CACNA2D3: variants seen among roughly 807,000 people sequenced by gnomAD.
The protein encoded by CACNA2D3 is calcium voltage-gated channel auxiliary subunit alpha2delta 3.
A neutral mutation model predicts 160.6 loss-of-function variants in CACNA2D3; 60 were observed. The ratio of observed to expected loss-of-function variants is 0.37; its 90% CI spans 0.30 to 0.46. The LOEUF (loss-of-function observed/expected upper bound fraction) is 0.46. Among genes scored for constraint, CACNA2D3 ranks in the 20% least tolerant of loss-of-function variants. The pLI is 1.00. For synonymous variants in CACNA2D3, 558 were observed against 492.9 expected, an observed-to-expected ratio of 1.13 and a Z score of -1.75; for missense variants, 1,205 against 1,365.0, an observed-to-expected ratio of 0.88 and a Z score of 1.85.
chr3:55,073,608 T>TATCA (rs1243204283), intron 36 of CACNA2D3, 51 bp downstream of exon 36: 1 of 1,447,096 alleles, frequency 6.9e-7, no homozygotes. Flanking sequence ...CAGTAAGGGG[T>TATCA]ATCAGTGGTA....
intron 27 of CACNA2D3, among the ~76,000 whole-genome samples, chr3:54,946,635 G>C (rs377353412): frequency 4.6e-4 from 70 of 152,198 alleles, no homozygotes; most frequent in African/African-American, 1.6e-3. Context: ...CAGGAGAGCC[G>C]TCCTTTCATG....
intron 2 of CACNA2D3, among the ~76,000 whole-genome samples, chr3:54,137,706 A>G (rs1699842623): frequency 6.6e-6 from 1 of 152,162 alleles, no homozygotes; most frequent in Admixed American, 6.5e-5. Flanking sequence ...GGTATTTTGT[A>G]CTTTATTCTA....
chr3:54,626,266 G>A (rs1033938636), intron 9 of CACNA2D3: 2 of 1,295,988 alleles, frequency 1.5e-6, no homozygotes, highest in Non-Finnish European at 2.2e-6. Context: ...CACCTACCGT[G>A]GCGTGGACCT....
At chr3:54,521,443 G>GT (rs1701645231) in intron 5 of CACNA2D3, among the ~76,000 whole-genome samples, 1 of 92,092 alleles carries the variant, frequency 1.1e-5, no homozygotes, top group Non-Finnish European at 2.6e-5. Context: ...CCAGATACAA[G>GT]TCCCTTATCA....
At chr3:54,448,225 A>G (rs1269454652) in intron 4 of CACNA2D3, among the ~76,000 whole-genome samples, 1 of 152,146 alleles carries the variant, frequency 6.6e-6, no homozygotes, top group Non-Finnish European at 1.5e-5. Context: ...AGCTCAACAT[A>G]AAGGTCTCCA....
chr3:54,469,020 C>A (rs1575473799), intron 4 of CACNA2D3, among the ~76,000 whole-genome samples: 1 of 152,200 alleles, frequency 6.6e-6, no homozygotes, highest in Non-Finnish European at 1.5e-5. Context: ...TTAAATGTTC[C>A]CGCCTGCCGG....
At chr3:54,573,310 A>G (rs1170197821) in intron 8 of CACNA2D3, among the ~76,000 whole-genome samples, 1 of 152,252 alleles carries the variant, frequency 6.6e-6, no homozygotes, top group African/African-American at 2.4e-5. Flanking sequence ...GGCCAAGGTC[A>G]TAAAAGAACC....
chr3:54,823,206 C>T (rs1257545078), intron 14 of CACNA2D3, among the ~76,000 whole-genome samples: 2 of 152,114 alleles, frequency 1.3e-5, no homozygotes, highest in South Asian at 4.2e-4. Context: ...ATCAAACAAC[C>T]TCATAGTGTG....
intron 11 of CACNA2D3, among the ~76,000 whole-genome samples, chr3:54,659,747 G>A (rs1013657126): frequency 6.6e-5 from 10 of 152,204 alleles, no homozygotes; most frequent in East Asian, 1.9e-4. Flanking sequence ...TTTGTAGTAC[G>A]TAAAGCAGTG....
rs529789205 is a variant in CACNA2D3 at position 54,717,963 on chromosome 3, T to C, written c.1168-34636T>C. Among the ~76,000 whole-genome samples the C allele has an allele frequency of 2.2e-4, 33 of 152,298 alleles. No individual in the cohort carries two copies. The South Asian group carries it at 6.0e-3, about 28-fold the overall frequency. On this transcript the variant is annotated intron_variant, in intron 11 of 37. Transcript: ENST00000474759. ...CCATCCCTGTGATCACTAATGTTGA[T>C]CAGTTTTCATATGTATATTAGAAAT...
chr3:54,349,215 G>T (rs1698509547), intron 3 of CACNA2D3, among the ~76,000 whole-genome samples: 2 of 152,120 alleles, frequency 1.3e-5, no homozygotes, highest in African/African-American at 4.8e-5. Flanking sequence ...ACACTGTGGG[G>T]TTCAAGAACA....
chr3:54,737,704 G>A (rs919474084), intron 11 of CACNA2D3, among the ~76,000 whole-genome samples: 12 of 152,216 alleles, frequency 7.9e-5, no homozygotes, highest in South Asian at 2.1e-4. Flanking sequence ...TCACTCTGTC[G>A]CCCAGGGTGG....
intron 2 of CACNA2D3, among the ~76,000 whole-genome samples, chr3:54,303,720 C>T (rs1330933193): frequency 2.6e-5 from 4 of 151,976 alleles, no homozygotes; most frequent in Admixed American, 6.6e-5. Flanking sequence ...AGACATGGCT[C>T]ACGGGACATG....
chr3:54,400,025 T>C (rs1699420765), intron 4 of CACNA2D3, among the ~76,000 whole-genome samples: 1 of 126,438 alleles, frequency 7.9e-6, no homozygotes, highest in African/African-American at 3.1e-5. Context: ...TAAGCCGGTC[T>C]GAAAAGTGCA....
chr3:55,012,871 G>A (rs965616657), intron 34 of CACNA2D3, among the ~76,000 whole-genome samples: 4 of 152,120 alleles, frequency 2.6e-5, no homozygotes, highest in East Asian at 1.9e-4. Flanking sequence ...CACCCATGAC[G>A]TTGAGAGATA....
intron 17 of CACNA2D3, among the ~76,000 whole-genome samples, chr3:54,868,444 T>C (rs1406111925): frequency 6.6e-6 from 1 of 152,158 alleles, no homozygotes; most frequent in Non-Finnish European, 1.5e-5. Flanking sequence ...GGGAAATCTT[T>C]TATTCCATCA....
Position 54,945,340 on chromosome 3 carries a change from A to G in CACNA2D3, c.2450-23110A>G, listed in dbSNP as rs1247191309. Reference sequence around the variant, plus strand: ...CAGGGGATCTGGCTCTCCGAGCCTTACTCTGTAGTATCTTGGCCTCGAAAG... The same window carrying G: ...CAGGGGATCTGGCTCTCCGAGCCTTGCTCTGTAGTATCTTGGCCTCGAAAG... On this transcript the variant is annotated intron_variant, in intron 27 of 37. Coordinates refer to ENST00000474759, the MANE Select transcript of CACNA2D3 (RefSeq NM_018398.3). Among the ~76,000 whole-genome samples the G allele has an allele frequency of 2.6e-5, 4 of 152,082 alleles. No individual in the cohort carries two copies. The East Asian group carries it at 7.7e-4, about 29-fold the overall frequency.
At chr3:54,726,372 A>G (rs1443001006) in intron 11 of CACNA2D3, among the ~76,000 whole-genome samples, 1 of 152,210 alleles carries the variant, frequency 6.6e-6, no homozygotes, top group African/African-American at 2.4e-5. Flanking sequence ...ATCCCCATCA[A>G]GCTACCACTG....
intron 3 of CACNA2D3, among the ~76,000 whole-genome samples, chr3:54,373,781 T>C (rs1698964611): frequency 6.6e-6 from 1 of 152,170 alleles, no homozygotes; most frequent in Non-Finnish European, 1.5e-5. Flanking sequence ...TCTGGGAGCT[T>C]CCCAGGGCAG....
Sources: gnomAD v4.1 joint callset for allele counts (sites outside exome capture counted in the v4.1 genomes callset) on GRCh38, gnomAD v4.1.1 for gene constraint, MANE v1.5 for transcripts, NCBI Gene and HGNC (gene_info 2026-07-23, HGNC 2026-07-21) for gene names.